Variants in SORBS2 observed in about 807,000 individuals in gnomAD.
SORBS2 encodes sorbin and SH3 domain containing 2, also known as sorbin and SH3 domain-containing protein 2.
Under a neutral mutation model 97.7 loss-of-function variants are expected in SORBS2, and 46 were observed. That is an observed-to-expected ratio of 0.47 (90% CI 0.37 to 0.60). SORBS2 has a LOEUF of 0.60. Ranked by LOEUF, SORBS2 falls within the 20% of genes least tolerant of loss-of-function variation. The pLI is 0.00. For missense variants in SORBS2, 1,316 were observed against 1,282.3 expected, an observed-to-expected ratio of 1.03 and a Z score of -0.40; for synonymous variants, 476 against 473.4, an observed-to-expected ratio of 1.01 and a Z score of -0.07.
intron 1 of SORBS2, among the ~76,000 whole-genome samples, chr4:185,827,853 C>T (rs980534627): frequency 3.3e-5 from 5 of 149,416 alleles, no homozygotes; most frequent in Non-Finnish European, 7.4e-5. Flanking sequence ...TCACCATCAT[C>T]AGCGTCACCA....
intron 1 of SORBS2, among the ~76,000 whole-genome samples, chr4:185,896,823 G>A (rs922792296): frequency 2.0e-5 from 3 of 149,316 alleles, no homozygotes; most frequent in Non-Finnish European, 2.9e-5. Flanking sequence ...TGGGTGGTGC[G>A]TTGCCCTCAA....
At chr4:185,678,380 C>A in intron 4 of SORBS2, 43 bp downstream of exon 7, 1 of 1,498,206 alleles carries the variant, frequency 6.7e-7, no homozygotes, top group Non-Finnish European at 8.9e-7. Context: ...GTCTAATAAT[C>A]ATGCCTTAAA....
At chr4:185,829,156 T>C (rs560659477) in intron 1 of SORBS2, among the ~76,000 whole-genome samples, 3 of 152,330 alleles carry the variant, frequency 2.0e-5, no homozygotes, top group South Asian at 4.1e-4. Flanking sequence ...TTTTTTCTAA[T>C]CCATGTAAAA....
At chr4:185,793,846 C>T (rs1038629033) in intron 1 of SORBS2, among the ~76,000 whole-genome samples, 3 of 152,190 alleles carry the variant, frequency 2.0e-5, no homozygotes, top group African/African-American at 7.2e-5. Context: ...CCTTCTTTTA[C>T]AGAGACCAAG....
intron 1 of SORBS2, among the ~76,000 whole-genome samples, chr4:185,838,357 G>A (rs1199920070): frequency 1.3e-5 from 2 of 152,244 alleles, no homozygotes; most frequent in Admixed American, 6.5e-5. Context: ...GGCTTGGGCA[G>A]GCCACCATCA....
At chr4:185,740,980 A>G (rs1257504552) in intron 2 of SORBS2, among the ~76,000 whole-genome samples, 2 of 150,686 alleles carry the variant, frequency 1.3e-5, no homozygotes, top group African/African-American at 4.9e-5. Context: ...CACGAACTCA[A>G]ACCAGCACTA....
chr4:185,779,684 T>C (rs1313595440), intron 1 of SORBS2, among the ~76,000 whole-genome samples: 1 of 152,198 alleles, frequency 6.6e-6, no homozygotes, highest in Non-Finnish European at 1.5e-5. Context: ...CTAGAGAACA[T>C]TCTTTACCCC....
At chr4:185,622,432 A>G (rs759071506) in intron 7 of SORBS2, among the ~76,000 whole-genome samples, 4 of 152,252 alleles carry the variant, frequency 2.6e-5, no homozygotes, top group Non-Finnish European at 5.9e-5. Flanking sequence ...ATCAATTACT[A>G]ATCACATATT....
rs556931816 is a variant in SORBS2 at position 185,627,263 on chromosome 4, G to A, written c.447-244C>T. 7.2e-5 allele frequency among the ~76,000 whole-genome samples: 11 copies of A among 152,290 alleles called. No homozygotes were observed. The East Asian group carries it at 7.7e-4, about 11-fold the overall frequency. The stretch of plus-strand genomic sequence containing the variant: ...TGGCTCTGTCACCCAGGCTGGAAGC[G>A]CAGTGGTGCAATCACAGCTCACTGC... On this transcript the variant is annotated intron_variant, in intron 5 of 14. Coordinates refer to ENST00000418609, the Ensembl canonical transcript of SORBS2.
intron 2 of SORBS2, among the ~76,000 whole-genome samples, chr4:185,704,894 G>A (rs1360647626): frequency 6.6e-6 from 1 of 152,224 alleles, no homozygotes; most frequent in Non-Finnish European, 1.5e-5. Context: ...GCAGATGGGA[G>A]TCTCTGACCA....
chr4:185,656,589 C>T (rs1221046357), intron 1 of SORBS2: 4 of 1,495,058 alleles, frequency 2.7e-6, no homozygotes, highest in Non-Finnish European at 3.6e-6. Context: ...AGCTGCAGTC[C>T]CTCCCCGCAT....
intron 2 of SORBS2, among the ~76,000 whole-genome samples, chr4:185,751,703 G>A (rs989902152): frequency 2.6e-5 from 4 of 152,064 alleles, no homozygotes; most frequent in African/African-American, 9.7e-5. Context: ...AGAGGGGAGA[G>A]GAAATACAGG....
chr4:185,702,810 C>T (rs1377561846), intron 2 of SORBS2, among the ~76,000 whole-genome samples: 2 of 151,974 alleles, frequency 1.3e-5, no homozygotes, highest in Non-Finnish European at 2.9e-5. Context: ...ACATAAGGGA[C>T]TTTTATGGTT....
At chr4:185,680,393 AAAAAAT>A (rs2097852320) in intron 2 of SORBS2, among the ~76,000 whole-genome samples, 1 of 152,190 alleles carries the variant, frequency 6.6e-6, no homozygotes, top group African/African-American at 2.4e-5. Context: ...ACAGTTTGAC[AAAAAAT>A]ACAGAGCAAT....
chr4:185,788,147 G>A (rs914653245), intron 1 of SORBS2, among the ~76,000 whole-genome samples: 20 of 152,166 alleles, frequency 1.3e-4, no homozygotes, highest in Admixed American at 9.2e-4. Flanking sequence ...CAGCTTTGTC[G>A]GAGACTTGCT....
In SORBS2 at chr4:185,685,277, T is replaced by C. The variant is rs181583944; in HGVS notation, c.-197-6455A>G. 2.8e-3 allele frequency among the ~76,000 whole-genome samples: 419 copies of C among 152,288 alleles called. 1 individual carries two copies. Among genetic ancestry groups the C allele is most frequent in the Non-Finnish European group, 4.1e-3 (276 of 68,016 alleles). ...ACAACATACTTTTAAGTTAATATCA[T>C]TTAAGTTTTACCATCTTCTAGCTGT... is the stretch of plus-strand genomic sequence containing the variant. On this transcript the variant is annotated intron_variant, in intron 2 of 20. Transcript: ENST00000284776.
At chr4:185,908,460 G>A (rs1281891268) in intron 1 of SORBS2, among the ~76,000 whole-genome samples, 2 of 145,120 alleles carry the variant, frequency 1.4e-5, no homozygotes, top group Non-Finnish European at 3.0e-5. Flanking sequence ...ATTGAAACAG[G>A]CCTATTCTCA....
At chr4:185,814,416 C>T (rs2099192016) in intron 1 of SORBS2, among the ~76,000 whole-genome samples, 1 of 151,594 alleles carries the variant, frequency 6.6e-6, no homozygotes, top group Non-Finnish European at 1.5e-5. Context: ...TGGTGCACGC[C>T]TGTGGTCCCA....
Position 185,678,839 on chromosome 4 carries a change from T to A in SORBS2, c.-197-17A>T, listed in dbSNP as rs531418859. The stretch of plus-strand genomic sequence containing the variant: ...AATCACGCCCTGAAAGAAAAAAAAA[T>A]GTTGAAATTAAGACTAAGGTGAAAT... On this transcript the variant is annotated splice_polypyrimidine_tract_variant and intron_variant, in intron 2 of 20. Coordinates refer to the SORBS2 transcript ENST00000284776. The A allele has an allele frequency of 2.8e-6, 4 of 1,414,328 alleles. No individual in the cohort carries two copies. The highest frequency in any genetic ancestry group is 2.9e-5 in the Admixed American group (1 of 34,794). The allele number at this position is 1,414,328 out of a possible 1,614,324, so 87.6% of individuals were successfully genotyped here.
Sources: gnomAD v4.1 joint callset for allele counts (sites outside exome capture counted in the v4.1 genomes callset) on GRCh38, gnomAD v4.1.1 for gene constraint, MANE v1.5 for transcripts, NCBI Gene and HGNC (gene_info 2026-07-23, HGNC 2026-07-21) for gene names.